Variants in UGT2B4 observed in about 807,000 individuals in gnomAD.
The protein encoded by UGT2B4 is UDP glucuronosyltransferase family 2 member B4, also known as UDP-glucuronosyltransferase 2B4.
Under a neutral mutation model 49.8 loss-of-function variants are expected in UGT2B4, and 49 were observed. The observed-to-expected ratio is 0.98, with a 90% CI of 0.78 to 1.25. UGT2B4 has a LOEUF of 1.25. UGT2B4 is among the 50% of genes most tolerant of loss of function. The pLI is 0.00. For synonymous variants in UGT2B4, 246 were observed against 217.7 expected, an observed-to-expected ratio of 1.13 and a Z score of -1.14; for missense variants, 729 against 627.7, an observed-to-expected ratio of 1.16 and a Z score of -1.73.
intron 1 of UGT2B4, among the ~76,000 whole-genome samples, chr4:69,522,184 C>A (rs1181789844): frequency 1.6e-5 from 2 of 124,942 alleles, no homozygotes; most frequent in African/African-American, 6.2e-5. Flanking sequence ...CATTTAATAT[C>A]TAGGTTACTA....
At chr4:69,488,747 C>A (rs1414053521) in intron 3 of UGT2B4, among the ~76,000 whole-genome samples, 2 of 151,944 alleles carry the variant, frequency 1.3e-5, no homozygotes, top group Non-Finnish European at 2.9e-5. Flanking sequence ...ACCCTCAGAG[C>A]AGGATCCATC....
At chr4:69,491,258 A>G (rs934839417) in intron 2 of UGT2B4, among the ~76,000 whole-genome samples, 3 of 152,034 alleles carry the variant, frequency 2.0e-5, no homozygotes, top group Non-Finnish European at 2.9e-5. Flanking sequence ...GCTGACTGTA[A>G]CTGAATATTT....
upstream of UGT2B4, chr4:69,496,034 A>G (rs2109815659): frequency 8.9e-7 from 1 of 1,126,122 alleles, no homozygotes; most frequent in Non-Finnish European, 1.2e-6. Context: ...TAAAAGGTAG[A>G]TGACCTGTTT....
At chr4:69,503,070 C>T (rs1005420932) in intron 1 of UGT2B4, among the ~76,000 whole-genome samples, 2 of 152,156 alleles carry the variant, frequency 1.3e-5, no homozygotes, top group Admixed American at 1.3e-4. Flanking sequence ...GCATCTGTAG[C>T]AAAGTGTGAC....
chr4:69,488,910 A>G (rs1288684848), intron 3 of UGT2B4, among the ~76,000 whole-genome samples: 1 of 152,044 alleles, frequency 6.6e-6, no homozygotes, highest in Admixed American at 6.6e-5. Flanking sequence ...TCTGAATAGT[A>G]CCCTGAATAT....
chr4:69,499,695 T>C (rs191187195), upstream of UGT2B4, among the ~76,000 whole-genome samples: 21 of 152,342 alleles, frequency 1.4e-4, no homozygotes, highest in Admixed American at 1.3e-3. Context: ...CCTGCTTCTT[T>C]CTGCTTTCTA....
intron 1 of UGT2B4, among the ~76,000 whole-genome samples, chr4:69,517,314 G>A (rs150283380): frequency 1.3e-5 from 2 of 152,070 alleles, no homozygotes; most frequent in East Asian, 3.9e-4. Flanking sequence ...AGGATTTTCT[G>A]AAGATTCTTC....
intron 1 of UGT2B4, among the ~76,000 whole-genome samples, chr4:69,502,842 G>C (rs1033659219): frequency 5.9e-5 from 9 of 152,158 alleles, no homozygotes; most frequent in Non-Finnish European, 1.2e-4. Context: ...GGTTCAGGAA[G>C]AGGAGGCCTG....
intron 1 of UGT2B4, among the ~76,000 whole-genome samples, chr4:69,502,707 C>T (rs936267167): frequency 1.3e-5 from 2 of 152,164 alleles, no homozygotes. Context: ...CTGGACAGAG[C>T]CTCCAGGGGC....
At chr4:69,524,416 A>T (rs1728922608) in intron 1 of UGT2B4, among the ~76,000 whole-genome samples, 1 of 151,882 alleles carries the variant, frequency 6.6e-6, no homozygotes, top group Non-Finnish European at 1.5e-5. Flanking sequence ...AGGGAGAGAG[A>T]TGGGAAAAAG....
In UGT2B4 at chr4:69,480,695, G is replaced by GTTTTGTTGATGAATGA; in HGVS notation, c.1525_1526insTCATTCATCAACAAAA (p.Thr509IlefsTer17). 6.2e-7 allele frequency: 1 copy of GTTTTGTTGATGAATGA among 1,613,904 alleles called. No homozygotes were observed. The highest frequency in any genetic ancestry group is 8.5e-7 in the Non-Finnish European group (1 of 1,179,956). Reference sequence around the variant, plus strand: ...CTTCCAGACACAAAACAGACATTTTGTGATGATGAATATCACAGTTGCCAC... The same window carrying GTTTTGTTGATGAATGA: ...CTTCCAGACACAAAACAGACATTTTGTTTTGTTGATGAATGATGATGATGAATATCACAGTTGCCAC... On this transcript the variant is annotated frameshift_variant, in exon 6 of 6. Coordinates refer to ENST00000305107, the MANE Select transcript of UGT2B4 (RefSeq NM_021139.3). LOFTEE classifies it high-confidence loss of function.
intron 1 of UGT2B4, among the ~76,000 whole-genome samples, chr4:69,524,572 A>C (rs1365570629): frequency 6.6e-6 from 1 of 152,158 alleles, no homozygotes; most frequent in Non-Finnish European, 1.5e-5. Context: ...AGCAATGATG[A>C]AAAAGATTAA....
intron 1 of UGT2B4, chr4:69,518,399 A>G (rs988580222): frequency 6.6e-6 from 1 of 152,220 alleles, no homozygotes; most frequent in African/African-American, 2.4e-5. Flanking sequence ...CTCAGACACC[A>G]TGATGGCAGC....
chr4:69,489,293 T>A, intron 3 of UGT2B4, 146 bp downstream of exon 3: 1 of 1,088,252 alleles, frequency 9.2e-7, no homozygotes, highest in Non-Finnish European at 1.3e-6. Context: ...TCCATACATA[T>A]TTTTGATTTT....
At chr4:69,511,465 G>A (rs1728601476) in intron 1 of UGT2B4, among the ~76,000 whole-genome samples, 2 of 152,032 alleles carry the variant, frequency 1.3e-5, no homozygotes, top group Non-Finnish European at 2.9e-5. Flanking sequence ...GCTGATTTTT[G>A]TATGTTCAAC....
At chr4:69,485,169 T>A (rs908055395) in intron 5 of UGT2B4, 39 bp downstream of exon 5, 1 of 1,606,530 alleles carries the variant, frequency 6.2e-7, no homozygotes. Context: ...AGGGAACCTA[T>A]CTATAAAGAC....
intron 1 of UGT2B4, among the ~76,000 whole-genome samples, chr4:69,515,386 A>G (rs1728705084): frequency 6.6e-6 from 1 of 152,176 alleles, no homozygotes; most frequent in South Asian, 2.1e-4. Context: ...AACATATGGA[A>G]ATTGAAAAAC....
intron 1 of UGT2B4, among the ~76,000 whole-genome samples, chr4:69,510,556 T>G (rs1577900587): frequency 6.6e-6 from 1 of 152,166 alleles, no homozygotes; most frequent in African/African-American, 2.4e-5. Context: ...TGATAACACT[T>G]TCACCTACTT....
upstream of UGT2B4, among the ~76,000 whole-genome samples, chr4:69,497,235 C>T (rs1466072383): frequency 1.3e-5 from 2 of 152,168 alleles, no homozygotes; most frequent in Non-Finnish European, 2.9e-5. Context: ...TCAAGGACCC[C>T]ACAAGGAGCT....
Sources: allele counts gnomAD v4.1 joint callset (sites outside exome capture counted in the v4.1 genomes callset), GRCh38; gene constraint gnomAD v4.1.1; transcripts MANE v1.5; gene names NCBI Gene and HGNC (gene_info 2026-07-23, HGNC 2026-07-21).